The following ADAMTS12 variants were observed in gnomAD, a reference collection of about 807,000 sequenced individuals.
ADAMTS12 encodes ADAM metallopeptidase with thrombospondin type 1 motif 12.
Under a neutral mutation model 167.8 loss-of-function variants are expected in ADAMTS12, and 118 were observed. The observed-to-expected ratio is 0.70, with a 90% CI of 0.61 to 0.82. The LOEUF (loss-of-function observed/expected upper bound fraction) is 0.82. Ranked by LOEUF, ADAMTS12 falls within the 40% of genes least tolerant of loss-of-function variation. The pLI, the probability that ADAMTS12 is intolerant of heterozygous loss-of-function variation, is 0.00. For missense variants in ADAMTS12, 1,916 were observed against 1,998.8 expected (o/e 0.96, Z 0.79); for synonymous variants, 704 against 716.9 (o/e 0.98, Z 0.29).
intron 3 of ADAMTS12, among the ~76,000 whole-genome samples, chr5:33,686,636 T>C (rs183562731): frequency 1.3e-5 from 2 of 151,798 alleles, no homozygotes; most frequent in African/African-American, 4.8e-5. Flanking sequence ...CGAGATGAGC[T>C]TGTGACAGTG....
At chr5:33,720,528 C>A (rs76503844) in intron 3 of ADAMTS12, among the ~76,000 whole-genome samples, 2,424 of 152,178 alleles carry the variant, frequency 0.016, 65 homozygotes, top group African/African-American at 0.056. Flanking sequence ...TTTGCTGGCT[C>A]AAGAAAGAAA....
At chr5:33,721,747 C>T (rs1579873561) in intron 3 of ADAMTS12, among the ~76,000 whole-genome samples, 1 of 152,222 alleles carries the variant, frequency 6.6e-6, no homozygotes, top group South Asian at 2.1e-4. Context: ...TGGGTCTATT[C>T]CACAGCCTCT....
intron 5 of ADAMTS12, among the ~76,000 whole-genome samples, chr5:33,680,582 A>C (rs187218434): frequency 4.5e-4 from 69 of 152,206 alleles, no homozygotes; most frequent in African/African-American, 1.7e-3. Flanking sequence ...GTGCTCAACC[A>C]GTATGAAAAA....
chr5:33,671,984 TAC>T lies in ADAMTS12; in HGVS notation c.916-9946_916-9945del, dbSNP rs547853068. Among the ~76,000 whole-genome samples the T allele has an allele frequency of 4.2e-3, 508 of 120,780 alleles. 3 individuals are homozygous for T. The highest frequency in any genetic ancestry group is 0.015 in the African/African-American group (471 of 30,942). The allele number at this position is 120,780 out of a possible 152,430, so 79.2% of individuals were successfully genotyped here. ...TACACATCAAACTCACATACTCACA[TAC>T]ACACACACCCATATACTCACATACA... On this transcript the variant is annotated intron_variant, in intron 5 of 23. Transcript: ENST00000504830.
At position 33,829,625 on chromosome 5, in the gene ADAMTS12, C is replaced by T. The variant is rs149492703; in HGVS notation, c.489+51494G>A. On this transcript the variant is annotated intron_variant, in intron 2 of 23. Transcript: ENST00000504830. ...TGTGCTGCCCCCTGCCTTCTTCAACCCCCTTGGGTCTTAATAATTAATTCC... is the reference window on the plus strand; with the variant it reads ...TGTGCTGCCCCCTGCCTTCTTCAACTCCCTTGGGTCTTAATAATTAATTCC... Among the ~76,000 whole-genome samples the T allele has an allele frequency of 6.9e-4, 105 of 152,272 alleles. 1 individual carries two copies. The highest frequency in any genetic ancestry group is 2.5e-3 in the African/African-American group (102 of 41,568).
At chr5:33,789,734 ATTAC>A (rs1746455987) in intron 2 of ADAMTS12, among the ~76,000 whole-genome samples, 1 of 152,126 alleles carries the variant, frequency 6.6e-6, no homozygotes, top group Non-Finnish European at 1.5e-5. Context: ...TAATTTTGAA[ATTAC>A]TTAGTGTCCC....
intron 3 of ADAMTS12, among the ~76,000 whole-genome samples, chr5:33,697,905 C>A (rs1305098140): frequency 6.6e-6 from 1 of 152,258 alleles, no homozygotes; most frequent in African/African-American, 2.4e-5. Context: ...CAAGGAGGCA[C>A]CCCTCTGCGC....
intron 19 of ADAMTS12, among the ~76,000 whole-genome samples, chr5:33,568,227 T>A: frequency 6.6e-6 from 1 of 152,216 alleles, no homozygotes; most frequent in Non-Finnish European, 1.5e-5. Context: ...TTTCTACCTC[T>A]GAAGCTGAAT....
chr5:33,527,193 G>T lies in ADAMTS12; in HGVS notation c.4780C>A (p.Leu1594Ile). The change falls in exon 24 of 24, where the codon CTC becomes ATC. Residue 1594 changes from leucine (L) to isoleucine (I), a missense_variant. By Grantham distance (5) the Leu-to-Ile change is conservative. Coordinates refer to ENST00000504830, the MANE Select transcript of ADAMTS12 (RefSeq NM_030955.4). ...RQRLLQKSKE[L>I] ...AAGCTGGCTTCCTTTTGGGCTTAGAGTTCTTTTGACTTTTGGAGCAACCGT... is the reference window on the plus strand; with the variant it reads ...AAGCTGGCTTCCTTTTGGGCTTAGATTTCTTTTGACTTTTGGAGCAACCGT... 1 of 1,614,174 alleles carries T rather than the reference G, an allele frequency of 6.2e-7. No individual in the cohort carries two copies. The highest frequency in any genetic ancestry group is 8.5e-7 in the Non-Finnish European group (1 of 1,180,028).
At chr5:33,558,324 T>C (rs190756942) in intron 20 of ADAMTS12, among the ~76,000 whole-genome samples, 1 of 152,322 alleles carries the variant, frequency 6.6e-6, no homozygotes, top group African/African-American at 2.4e-5. Flanking sequence ...AAGGTTTATC[T>C]ATTATCTAAT....
In ADAMTS12 at chr5:33,709,787, C is replaced by T. The variant is rs150948359; in HGVS notation, c.635-25732G>A. 1.4e-4 allele frequency among the ~76,000 whole-genome samples: 21 copies of T among 152,072 alleles called. No individual in the cohort carries two copies. The East Asian group carries it at 4.1e-3, about 29-fold the overall frequency. On this transcript the variant is annotated intron_variant, in intron 3 of 23. Coordinates refer to ENST00000504830, the MANE Select transcript of ADAMTS12 (RefSeq NM_030955.4). Reference sequence around the variant, plus strand: ...TAATACCTAGGTGATGGGTTGAAAGCTGCAGCAAACCACCATGGCACACTT... The same window carrying T: ...TAATACCTAGGTGATGGGTTGAAAGTTGCAGCAAACCACCATGGCACACTT...
chr5:33,635,481 T>G (rs918640022), intron 12 of ADAMTS12, among the ~76,000 whole-genome samples: 2 of 152,096 alleles, frequency 1.3e-5, no homozygotes, highest in Middle Eastern at 3.2e-3. Context: ...GTTACAGAGG[T>G]CCTCCGAACC....
At chr5:33,643,271 C>T in intron 10 of ADAMTS12, 107 bp downstream of exon 10, 1 of 1,085,304 alleles carries the variant, frequency 9.2e-7, no homozygotes, top group Middle Eastern at 2.8e-4. Flanking sequence ...GACCTCCATC[C>T]ACTGCTCTTC....
intron 2 of ADAMTS12, among the ~76,000 whole-genome samples, chr5:33,803,365 G>A (rs1410262019): frequency 6.6e-6 from 1 of 152,132 alleles, no homozygotes; most frequent in Admixed American, 6.5e-5. Flanking sequence ...TTAAGTACAC[G>A]CTATACACAA....
At chr5:33,779,673 A>G (rs1482966832) in intron 2 of ADAMTS12, among the ~76,000 whole-genome samples, 1 of 152,194 alleles carries the variant, frequency 6.6e-6, no homozygotes, top group African/African-American at 2.4e-5. Context: ...TTGCAACAAC[A>G]TGGATGAACC....
rs115029549 is a variant in ADAMTS12, at chr5:33,691,273, A to G, written c.635-7218T>C. On this transcript the variant is annotated intron_variant, in intron 3 of 23. Transcript: ENST00000504830. Reference sequence around the variant, plus strand: ...ACATGTTTACAAAGCTTTCTAGACAATGAGTCCCAGTTTGTTTTCAGAGCT... The same window carrying G: ...ACATGTTTACAAAGCTTTCTAGACAGTGAGTCCCAGTTTGTTTTCAGAGCT... 7.6e-3 allele frequency among the ~76,000 whole-genome samples: 1,152 copies of G among 152,306 alleles called. 22 individuals are homozygous for G. The highest frequency in any genetic ancestry group is 0.026 in the African/African-American group (1,083 of 41,560).
intron 2 of ADAMTS12, among the ~76,000 whole-genome samples, chr5:33,777,858 A>G (rs1172468458): frequency 6.6e-6 from 1 of 152,108 alleles, no homozygotes; most frequent in Non-Finnish European, 1.5e-5. Context: ...AATAAAAATT[A>G]GTAAGATTTT....
At chr5:33,546,637 A>C (rs935358295) in intron 21 of ADAMTS12, among the ~76,000 whole-genome samples, 41 of 152,346 alleles carry the variant, frequency 2.7e-4, no homozygotes, top group African/African-American at 9.9e-4. Flanking sequence ...TAGTAGGAGT[A>C]ATAAAATGGA....
At chr5:33,761,682 C>T (rs748423673) in intron 2 of ADAMTS12, among the ~76,000 whole-genome samples, 6 of 152,198 alleles carry the variant, frequency 3.9e-5, no homozygotes, top group African/African-American at 7.2e-5. Flanking sequence ...CCATTTTCTA[C>T]GGCCGACTAA....
Sources: gnomAD v4.1 joint callset for allele counts (sites outside exome capture counted in the v4.1 genomes callset) on GRCh38, gnomAD v4.1.1 for gene constraint, MANE v1.5 for transcripts, NCBI Gene and HGNC (gene_info 2026-07-23, HGNC 2026-07-21) for gene names.